The following GPSM1 variants were observed in gnomAD, a reference collection of about 807,000 sequenced individuals.
GPSM1 encodes G protein signaling modulator 1.
Under a neutral mutation model 70.5 loss-of-function variants are expected in GPSM1, and 48 were observed. That is an observed-to-expected ratio of 0.68 (90% CI 0.54 to 0.87). GPSM1 has a LOEUF of 0.87. GPSM1 is among the 40% of genes least tolerant of loss of function. GPSM1 has a pLI of 0.00. For missense variants in GPSM1, 981 were observed against 972.6 expected (o/e 1.01, Z -0.11); for synonymous variants, 416 against 430.1 (o/e 0.97, Z 0.41).
intron 6 of GPSM1, among the ~76,000 whole-genome samples, chr9:136,338,232 G>A (rs1003608230): frequency 6.6e-6 from 1 of 152,232 alleles, no homozygotes; most frequent in Non-Finnish European, 1.5e-5. Context: ...CCGGCTGTCA[G>A]CACGGGGTCC....
intron 1 of GPSM1, among the ~76,000 whole-genome samples, chr9:136,329,321 T>C (rs1374934851): frequency 6.6e-6 from 1 of 152,206 alleles, no homozygotes; most frequent in African/African-American, 2.4e-5. Context: ...CCCCACCGTG[T>C]AGCCACAGCC....
Position 136,358,414 on chromosome 9 carries a change from C to A in GPSM1, c.*194C>A, listed in dbSNP as rs1832904895. 5 of 596,532 alleles carry A rather than the reference C, an allele frequency of 8.4e-6. No homozygotes were observed. Among genetic ancestry groups the A allele is most frequent in the Non-Finnish European group, 1.2e-5 (4 of 346,122 alleles). The allele number at this position is 596,532 out of a possible 1,614,324, so 37.0% of individuals were successfully genotyped here. On this transcript the variant is annotated 3_prime_UTR_variant, in exon 14 of 14. Coordinates refer to ENST00000440944, the MANE Select transcript of GPSM1 (RefSeq NM_001145638.3). Reference sequence around the variant, plus strand: ...GGGCGTGCTTCCATCCCGGGCTGGCCCCCATGGCCCTCAGCTTCCTCCCTT... The same window carrying A: ...GGGCGTGCTTCCATCCCGGGCTGGCACCCATGGCCCTCAGCTTCCTCCCTT...
intron 10 of GPSM1, 27 bp downstream of exon 10, chr9:136,348,794 C>G (rs1554771649): frequency 6.4e-7 from 1 of 1,563,506 alleles, no homozygotes; most frequent in Non-Finnish European, 8.8e-7. Context: ...GGACCGATGT[C>G]AGCACAGCCG....
chr9:136,343,739 G>C lies in GPSM1; in HGVS notation c.1207+2746G>C, dbSNP rs539763657. ...TGGGAACAGAGCTTGGCAGGGGTGA[G>C]AGGCCAGCGAGCCTGAGGGCCCGTA... On this transcript the variant is annotated intron_variant, in intron 9 of 13. Transcript: ENST00000440944. This position sits in a 1 kb window ranked among gnomAD's most constrained non-coding sequence, Gnocchi z 6.0. Among the ~76,000 whole-genome samples the C allele has an allele frequency of 3.9e-5, 6 of 152,234 alleles. No individual in the cohort carries two copies. The highest frequency in any genetic ancestry group is 1.3e-4 in the Admixed American group (2 of 15,288).
chr9:136,357,119 G>C (rs1454716620), intron 13 of GPSM1, among the ~76,000 whole-genome samples: 1 of 152,224 alleles, frequency 6.6e-6, no homozygotes, highest in Non-Finnish European at 1.5e-5. Context: ...GTGGGGGTGA[G>C]CCAGGTAGGG....
intron 4 of GPSM1, 69 bp downstream of exon 4, chr9:136,337,141 C>A: frequency 7.2e-7 from 1 of 1,380,108 alleles, no homozygotes; most frequent in Non-Finnish European, 9.8e-7. Flanking sequence ...CAGACACTTC[C>A]AGACCCCCGA....
At chr9:136,354,906 G>A in intron 11 of GPSM1, 1 of 1,017,332 alleles carries the variant, frequency 9.8e-7, no homozygotes, top group Admixed American at 6.0e-5. Context: ...GGATGTCTGG[G>A]AAGTGTTCCA....
chr9:136,348,409 G>A (rs952724665), intron 9 of GPSM1, among the ~76,000 whole-genome samples: 1 of 152,182 alleles, frequency 6.6e-6, no homozygotes, highest in Non-Finnish European at 1.5e-5. Context: ...GTGCGGCAGG[G>A]GAGAGGCCTG....
intron 1 of GPSM1, among the ~76,000 whole-genome samples, chr9:136,332,553 C>T (rs1027076052): frequency 4.6e-5 from 7 of 152,196 alleles, no homozygotes; most frequent in African/African-American, 1.2e-4. Flanking sequence ...GGCAGTAAAC[C>T]GAGTGAGACC....
At chr9:136,328,873 C>G (rs562756462) in intron 1 of GPSM1, among the ~76,000 whole-genome samples, 2 of 152,330 alleles carry the variant, frequency 1.3e-5, no homozygotes, top group South Asian at 4.1e-4. Context: ...CAAGGGTTTC[C>G]TCCGCTGATC....
chr9:136,338,071 C>T lies in GPSM1; in HGVS notation c.818+110C>T, dbSNP rs1832292667. 15 of 712,732 alleles carry T rather than the reference C, an allele frequency of 2.1e-5. No homozygotes were observed. The East Asian group carries it at 3.5e-4, about 17-fold the overall frequency. 44.2% of individuals were successfully genotyped at this position (712,732 alleles called of 1,614,324 possible). ...GAATCTGACTGCCTCCCCTCCCCTCCCCAGAAGGCAAGGTGGGGTTCTAGG... is the reference window on the plus strand; with the variant it reads ...GAATCTGACTGCCTCCCCTCCCCTCTCCAGAAGGCAAGGTGGGGTTCTAGG... On this transcript the variant is annotated intron_variant, in intron 6 of 13. Coordinates refer to ENST00000440944, the MANE Select transcript of GPSM1 (RefSeq NM_001145638.3).
At chr9:136,352,134 ACACCAATGCTGCGCCG>A (rs1832682755) in intron 11 of GPSM1, among the ~76,000 whole-genome samples, 1 of 147,948 alleles carries the variant, frequency 6.8e-6, no homozygotes, top group Non-Finnish European at 1.5e-5. Flanking sequence ...GCTGTTGGTG[ACACCAATGCTGCGCCG>A]TTGCTGTTGG....
At position 136,338,580 on chromosome 9, in the gene GPSM1, C is replaced by G. The variant is rs1554769689; in HGVS notation, c.844C>G (p.Leu282Val). The G allele has an allele frequency of 8.1e-6, 13 of 1,611,524 alleles. No individual in the cohort carries two copies. The highest frequency in any genetic ancestry group is 1.1e-5 in the Non-Finnish European group (13 of 1,179,484). ...GAAGACGCTGCAACTGTCTCGGCAGCTCAGGGACCAGGCAGTGGAGGCGCA... is the reference window on the plus strand; with the variant it reads ...GAAGACGCTGCAACTGTCTCGGCAGGTCAGGGACCAGGCAGTGGAGGCGCA... Reference protein sequence around the residue: ...YKKTLQLSRQLRDQAVEAQAC... With the variant: ...YKKTLQLSRQVRDQAVEAQAC... The change falls in exon 7 of 14, where the codon CTC becomes GTC. Residue 282 changes from leucine (L) to valine (V), a missense_variant. By Grantham distance (32) the Leu-to-Val change is conservative. Coordinates refer to ENST00000440944, the MANE Select transcript of GPSM1 (RefSeq NM_001145638.3).
In GPSM1 at chr9:136,353,767, C is replaced by G. The variant is rs566013479; in HGVS notation, c.1456-1923C>G. Among the ~76,000 whole-genome samples the G allele has an allele frequency of 2.0e-5, 3 of 152,208 alleles. No homozygotes were observed. In the South Asian group the frequency reaches 6.2e-4, roughly 32 times the overall value. ...GTCCAGATTGGGCCAGAGGCAGAGG[C>G]CCCCCGCGGCTGTGCCCTAGGTCAT... is the stretch of plus-strand genomic sequence containing the variant. On this transcript the variant is annotated intron_variant, in intron 11 of 13. Coordinates refer to ENST00000440944, the MANE Select transcript of GPSM1 (RefSeq NM_001145638.3).
At position 136,348,720 on chromosome 9, in the gene GPSM1, A is replaced by G; in HGVS notation, c.1231A>G (p.Arg411Gly). 1 of 1,612,254 alleles carries G rather than the reference A, an allele frequency of 6.2e-7. No individual in the cohort carries two copies. Among genetic ancestry groups the G allele is most frequent in the South Asian group, 1.1e-5 (1 of 90,984 alleles). ...AQGARPKRTQ[R>G]LSAETWDLLR... ...AGGGGCCAGACCCAAGAGGACGCAG[A>G]GGCTGAGCGCGGAGACCTGGGACCT... The change falls in exon 10 of 14, where the codon AGG (arginine) becomes GGG (glycine). Residue 411 changes from arginine to glycine, a missense_variant. Arg to Gly is a moderately radical substitution (Grantham distance 125, BLOSUM62 -2). Transcript: ENST00000440944.
rs1487880265 is a variant in GPSM1, at chr9:136,343,026, A to G, written c.1207+2033A>G. 2.0e-5 allele frequency among the ~76,000 whole-genome samples: 3 copies of G among 152,082 alleles called. No homozygotes were observed. The highest frequency in any genetic ancestry group is 7.2e-5 in the African/African-American group (3 of 41,382). On this transcript the variant is annotated intron_variant, in intron 9 of 13. Coordinates refer to ENST00000440944, the MANE Select transcript of GPSM1 (RefSeq NM_001145638.3). This position sits in a 1 kb window ranked among gnomAD's most constrained non-coding sequence, Gnocchi z 6.0. The stretch of plus-strand genomic sequence containing the variant: ...GAGACTTACGTGCGGCTGGAGGACA[A>G]AGAGCCTTGGCGCGGCTCAGTCAGC...
chr9:136,333,792 T>G (rs1179686468), intron 1 of GPSM1, among the ~76,000 whole-genome samples: 3 of 151,954 alleles, frequency 2.0e-5, no homozygotes, highest in African/African-American at 7.3e-5. Context: ...GCTCTGTGGG[T>G]GGGGGACCAG....
chr9:136,335,722 G>A (rs890193813), intron 2 of GPSM1, among the ~76,000 whole-genome samples: 2 of 152,190 alleles, frequency 1.3e-5, no homozygotes, highest in South Asian at 2.1e-4. Flanking sequence ...TGCAGCCTGT[G>A]TGGTGATGGG....
At chr9:136,344,960 G>T (rs1335400057) in intron 9 of GPSM1, among the ~76,000 whole-genome samples, 4 of 152,248 alleles carry the variant, frequency 2.6e-5, no homozygotes, top group South Asian at 2.1e-4. Flanking sequence ...TAGGGGCAAG[G>T]CTGGGGCAGC....
Sources: gnomAD v4.1 joint callset for allele counts (sites outside exome capture counted in the v4.1 genomes callset) on GRCh38, gnomAD v4.1.1 for gene constraint, Gnocchi (gnomAD v3.1) non-coding constraint, MANE v1.5 for transcripts, NCBI Gene and HGNC (gene_info 2026-07-23, HGNC 2026-07-21) for gene names.